Variants in ZFYVE16 observed in about 807,000 individuals in gnomAD.
The protein encoded by ZFYVE16 is zinc finger FYVE-type containing 16.
A neutral mutation model predicts 138.1 loss-of-function variants in ZFYVE16; 89 were observed. That is an observed-to-expected ratio of 0.64 (90% confidence interval 0.54 to 0.77). ZFYVE16 has a LOEUF of 0.77. Among genes scored for constraint, ZFYVE16 ranks in the 30% least tolerant of loss-of-function variants. The probability of loss-of-function intolerance (pLI) is 0.00; values close to 1 mark genes in which losing one functional copy is unlikely to be tolerated. For missense variants in ZFYVE16, 1,793 were observed against 1,786.7 expected, an observed-to-expected ratio of 1.00 and a Z score of -0.06; for synonymous variants, 596 against 618.3, an observed-to-expected ratio of 0.96 and a Z score of 0.53.
At position 80,438,339 on chromosome 5, in the gene ZFYVE16, GA is replaced by G; in HGVS notation, c.1658del (p.Asn553MetfsTer2). On this transcript the variant is annotated frameshift_variant, in exon 4 of 19. Transcript: ENST00000505560. LOFTEE classifies it high-confidence loss of function. Reference sequence around the variant, plus strand: ...GACCACTAACATAAAGTCTTTTGAAGAAAATGTAAATGACTCTAAATCGCAA... The same window carrying G: ...GACCACTAACATAAAGTCTTTTGAAGAAATGTAAATGACTCTAAATCGCAA... ...LQTTNIKSFE[E>X]NVNDSKSQMN... 1 of 1,613,488 alleles carries G rather than the reference GA, an allele frequency of 6.2e-7. No individual in the cohort carries two copies. Among genetic ancestry groups the G allele is most frequent in the South Asian group, 1.1e-5 (1 of 91,036 alleles).
chr5:80,458,054 G>T (rs1332205124), intron 14 of ZFYVE16, among the ~76,000 whole-genome samples: 1 of 144,594 alleles, frequency 6.9e-6, no homozygotes, highest in African/African-American at 2.6e-5. Context: ...AAAAAAAAAA[G>T]GTGGTAAAAG....
At chr5:80,426,189 A>G (rs918817562) in intron 1 of ZFYVE16, among the ~76,000 whole-genome samples, 77 of 145,316 alleles carry the variant, frequency 5.3e-4, no homozygotes, top group East Asian at 1.4e-3. Flanking sequence ...ATATATATAT[A>G]TGTGTGTGTG....
In ZFYVE16 at chr5:80,472,782, C is replaced by T. The variant is rs1754512467; in HGVS notation, c.4046C>T (p.Thr1349Ile). 1 of 1,613,600 alleles carries T rather than the reference C, an allele frequency of 6.2e-7. No homozygotes were observed. The highest frequency in any genetic ancestry group is 1.3e-5 in the African/African-American group (1 of 74,860). Residue 1349 changes from threonine (T) to isoleucine (I), a missense_variant, in exon 16 of 19, where the codon ACT becomes ATT. Around this residue, in one of 2 missense-constraint regions of ZFYVE16, gnomAD observed 498 missense variants for 582.4 expected, o/e 0.86. Coordinates refer to ENST00000505560, the MANE Select transcript of ZFYVE16 (RefSeq NM_001284236.3). ...IVEDGLMVQI[T>I]PETMNGLRLA... ...CTAGATGGCTTAATGGTACAAATAA[C>T]TCCAGAGACCATGAATGGCTTGCGG... is the stretch of plus-strand genomic sequence containing the variant.
rs534051035 is a variant in ZFYVE16 at position 80,466,846 on chromosome 5, G to T, written c.4025-5915G>T. 2.0e-5 allele frequency among the ~76,000 whole-genome samples: 3 copies of T among 152,266 alleles called. No individual in the cohort carries two copies. The South Asian group carries it at 6.2e-4, about 32-fold the overall frequency. On this transcript the variant is annotated intron_variant, in intron 15 of 18. Transcript: ENST00000505560. ...TTAGCCAAAAGTTTATAGCAATTGG[G>T]TATGGTTTATTAAAGAAAAATGACT... is the stretch of plus-strand genomic sequence containing the variant.
intron 1 of ZFYVE16, among the ~76,000 whole-genome samples, chr5:80,422,556 G>C (rs189006572): frequency 1.4e-3 from 213 of 152,254 alleles, no homozygotes; most frequent in Middle Eastern, 6.8e-3. Context: ...CCGGATTCAA[G>C]TGATTCTCCT....
intron 5 of ZFYVE16, 70 bp from the exon 6 acceptor site, chr5:80,443,053 A>G: frequency 7.4e-7 from 1 of 1,350,636 alleles, no homozygotes; most frequent in Non-Finnish European, 9.9e-7. Flanking sequence ...TAGAATATTT[A>G]TTGTAATTTA....
rs1489030067 is a variant in ZFYVE16, at chr5:80,457,056, A to C, written c.3907A>C (p.Thr1303Pro). The stretch of plus-strand genomic sequence containing the variant: ...TATACAGAATGATGGAATTTATGAA[A>C]CACAGGCCAACAGTGCCACTGGCCA... The part of the protein sequence containing the change: ...VCIQNDGIYE[T>P]QANSATGHPR... The change falls in exon 14 of 19, where the codon ACA becomes CCA. Residue 1303 changes from threonine (T) to proline (P), a missense_variant. Thr to Pro is a conservative substitution (Grantham distance 38, BLOSUM62 -1). Transcript: ENST00000505560. 6.2e-7 allele frequency: 1 copy of C among 1,612,452 alleles called. No individual in the cohort carries two copies. Among genetic ancestry groups the C allele is most frequent in the Non-Finnish European group, 8.5e-7 (1 of 1,179,556 alleles).
chr5:80,475,969 A>C (rs1471679676), intron 18 of ZFYVE16, among the ~76,000 whole-genome samples: 2 of 152,052 alleles, frequency 1.3e-5, no homozygotes, highest in Non-Finnish European at 2.9e-5. Context: ...TTTTTGAGAC[A>C]GTCTCACTCT....
rs926945993 is a variant in ZFYVE16, at chr5:80,481,507, G to A, written c.*4130G>A. 6.6e-6 allele frequency among the ~76,000 whole-genome samples: 1 copy of A among 152,082 alleles called. No homozygotes were observed. The highest frequency in any genetic ancestry group is 2.4e-5 in the African/African-American group (1 of 41,396). On this transcript the variant is annotated 3_prime_UTR_variant, in exon 19 of 19. Transcript: ENST00000505560. ...CTAGATGGTGCACAACTGGGGCAAA[G>A]AACAGCTTAACAAAGGCAGTGAAAA...
Position 80,443,275 on chromosome 5 carries a change from G to A in ZFYVE16, c.2572G>A (p.Gly858Ser), listed in dbSNP as rs754016850. ...TLPVSALKQP[G>S]VEGLCSKEQK... Reference sequence around the variant, plus strand: ...GCCAGTCTCAGCACTTAAACAACCAGGTGTTGAAGGTAATAGAAGAAAACT... The same window carrying A: ...GCCAGTCTCAGCACTTAAACAACCAAGTGTTGAAGGTAATAGAAGAAAACT... Residue 858 changes from glycine (G) to serine (S), a missense_variant, in exon 6 of 19, where the codon GGT becomes AGT. This residue lies in a region of ZFYVE16 where 1,295 missense variants were observed against 1,204.3 expected (regional missense o/e 1.08). Coordinates refer to ENST00000505560, the MANE Select transcript of ZFYVE16 (RefSeq NM_001284236.3). 26 of 1,603,914 alleles carry A rather than the reference G, an allele frequency of 1.6e-5. No homozygotes were observed. The highest frequency in any genetic ancestry group is 2.1e-5 in the Non-Finnish European group (25 of 1,177,766).
At chr5:80,457,794 G>A (rs1030578697) in intron 14 of ZFYVE16, among the ~76,000 whole-genome samples, 13 of 151,976 alleles carry the variant, frequency 8.6e-5, no homozygotes, top group Non-Finnish European at 7.4e-5. Context: ...TTGGGAGGCT[G>A]AGGTGAGCGG....
rs1423033408 is a variant in ZFYVE16, at chr5:80,472,778, A to G, written c.4042A>G (p.Ile1348Val). 1.9e-6 allele frequency: 3 copies of G among 1,613,560 alleles called. No individual in the cohort carries two copies. Among genetic ancestry groups the G allele is most frequent in the Non-Finnish European group, 2.5e-6 (3 of 1,179,850 alleles). Residue 1348 changes from isoleucine to valine, a missense_variant, in exon 16 of 19, where the codon ATA becomes GTA. Physicochemically the swap from Ile to Val is conservative, Grantham distance 29 (BLOSUM62 3). Around this residue, in one of 2 missense-constraint regions of ZFYVE16, gnomAD observed 498 missense variants for 582.4 expected, o/e 0.86. Transcript: ENST00000505560. The stretch of plus-strand genomic sequence containing the variant: ...ATTTCTAGATGGCTTAATGGTACAA[A>G]TAACTCCAGAGACCATGAATGGCTT... ...SIVEDGLMVQ[I>V]TPETMNGLRL...
At chr5:80,413,189 G>A (rs567556216) in intron 1 of ZFYVE16, among the ~76,000 whole-genome samples, 1 of 133,886 alleles carries the variant, frequency 7.5e-6, no homozygotes, top group Non-Finnish European at 1.6e-5. Flanking sequence ...AAAGAAGAGA[G>A]GGCTGGGTGC....
chr5:80,452,367 A>C (rs1752065275), intron 11 of ZFYVE16: 1 of 144,186 alleles, frequency 6.9e-6, no homozygotes, highest in South Asian at 2.3e-4. Flanking sequence ...CCCAGGAGGC[A>C]GATTTGCAGT....
At chr5:80,433,177 G>C (rs1262330935) in intron 2 of ZFYVE16, among the ~76,000 whole-genome samples, 3 of 152,126 alleles carry the variant, frequency 2.0e-5, no homozygotes, top group African/African-American at 7.2e-5. Context: ...GCAAAGACTT[G>C]GAACCAACCC....
intron 11 of ZFYVE16, chr5:80,455,225 A>G (rs1752400153): frequency 5.7e-6 from 1 of 176,118 alleles, no homozygotes; most frequent in Non-Finnish European, 1.2e-5. Flanking sequence ...ATACATAGAT[A>G]CACAGTAAGT....
At chr5:80,418,106 G>A (rs886784635) in intron 1 of ZFYVE16, among the ~76,000 whole-genome samples, 3 of 151,996 alleles carry the variant, frequency 2.0e-5, no homozygotes, top group African/African-American at 7.3e-5. Context: ...TGTCCATTCA[G>A]TACTTTTGCC....
At chr5:80,451,794 T>G (rs1236462609) in intron 11 of ZFYVE16, 85 bp downstream of exon 11, 1 of 1,227,224 alleles carries the variant, frequency 8.1e-7, no homozygotes. Context: ...AAATCAATTT[T>G]AATGGATTAA....
At chr5:80,434,056 A>G (rs1358091205) in intron 2 of ZFYVE16, 53 bp from the exon 3 acceptor site, 2 of 1,243,494 alleles carry the variant, frequency 1.6e-6, no homozygotes, top group African/African-American at 1.5e-5. Context: ...AATACATGGC[A>G]TAAAATTTGT....
Sources: gnomAD v4.1 joint callset for allele counts (sites outside exome capture counted in the v4.1 genomes callset) on GRCh38, gnomAD v4.1.1 for gene constraint, gnomAD v4.1.1 regional missense constraint, MANE v1.5 for transcripts, NCBI Gene and HGNC (gene_info 2026-07-23, HGNC 2026-07-21) for gene names.